Variants in HSD17B14 observed in about 807,000 individuals in gnomAD.
HSD17B14 encodes hydroxysteroid 17-beta dehydrogenase 14, also known as L-fucose dehydrogenase.
In HSD17B14, 32 loss-of-function variants were observed where a neutral mutation model predicts 32.2. The ratio of observed to expected loss-of-function variants is 0.99; its 90% confidence interval spans 0.75 to 1.33. The LOEUF (loss-of-function observed/expected upper bound fraction) is 1.33. Ranked by LOEUF, HSD17B14 falls within the 40% of genes most tolerant of loss-of-function variation. The probability of loss-of-function intolerance (pLI) is 0.00; values close to 1 mark genes in which losing one functional copy is unlikely to be tolerated. For synonymous variants in HSD17B14, 140 were observed against 155.4 expected, an observed-to-expected ratio of 0.90 and a Z score of 0.74; for missense variants, 370 against 366.5, an observed-to-expected ratio of 1.01 and a Z score of -0.08.
rs1393481604 is a variant in HSD17B14 at position 48,836,331 on chromosome 19, G to A, written c.81C>T (p.Arg27=). Residue 27 remains arginine, a synonymous_variant, in exon 1 of 9, where the codon CGC becomes CGT. Coordinates refer to ENST00000263278, the MANE Select transcript of HSD17B14 (RefSeq NM_016246.3). ...CAGTCAGACCCGGCTCACCGAAGGC[G>A]CGCACGATCCCAGCTCCGATGCCGC... ...GGRGIGAGIV[R]AFVNSGARVV... is the part of the protein sequence containing the mutation. The A allele has an allele frequency of 5.6e-6, 9 of 1,612,754 alleles. No homozygotes were observed. Among genetic ancestry groups the A allele is most frequent in the Non-Finnish European group, 7.6e-6 (9 of 1,179,748 alleles).
chr19:48,822,946 C>T (rs1015118457), intron 5 of HSD17B14, among the ~76,000 whole-genome samples: 5 of 152,004 alleles, frequency 3.3e-5, no homozygotes, highest in African/African-American at 4.8e-5. Context: ...ATGGAAATAA[C>T]GATGGTGATA....
In HSD17B14 at chr19:48,836,317, G is replaced by T; in HGVS notation, c.88+7C>A. The T allele has an allele frequency of 6.2e-7, 1 of 1,608,542 alleles. No homozygotes were observed. Among genetic ancestry groups the T allele is most frequent in the Non-Finnish European group, 8.5e-7 (1 of 1,177,860 alleles). ...TCCACAGCTCCCAGCAGTCAGACCC[G>T]GCTCACCGAAGGCGCGCACGATCCC... is the stretch of plus-strand genomic sequence containing the variant. On this transcript the variant is annotated splice_region_variant and intron_variant, in intron 1 of 8. Coordinates refer to ENST00000263278, the MANE Select transcript of HSD17B14 (RefSeq NM_016246.3).
chr19:48,834,970 G>A (rs1351255524), intron 2 of HSD17B14, among the ~76,000 whole-genome samples: 10 of 23,714 alleles, frequency 4.2e-4, no homozygotes, highest in South Asian at 7.9e-3. Context: ...GAGGGGCTGG[G>A]GGCCTGGACT....
At position 48,813,655 on chromosome 19, in the gene HSD17B14, C is replaced by T. The variant is rs574122888; in HGVS notation, c.542+8G>A. On this transcript the variant is annotated splice_region_variant and intron_variant, in intron 7 of 8. Transcript: ENST00000263278. ...CAGGAGGCTCTCCGCCTGCTCAGAGCAGCTCACCAGTTGACTCGGACACCA... is the reference window on the plus strand; with the variant it reads ...CAGGAGGCTCTCCGCCTGCTCAGAGTAGCTCACCAGTTGACTCGGACACCA... 134 of 1,614,180 alleles carry T rather than the reference C, an allele frequency of 8.3e-5. 1 individual carries two copies. In the South Asian group the frequency reaches 1.4e-3, roughly 17 times the overall value.
At position 48,813,096 on chromosome 19, in the gene HSD17B14, TGG is replaced by T; in HGVS notation, c.*77_*78del. On this transcript the variant is annotated 3_prime_UTR_variant, in exon 9 of 9. Transcript: ENST00000263278. Reference sequence around the variant, plus strand: ...TAACTGGGCTTAGAGTCTAAGGGCTTGGGGGCTGCATCTGATACAGGTTGGAG... The same window carrying T: ...TAACTGGGCTTAGAGTCTAAGGGCTTGGGCTGCATCTGATACAGGTTGGAG... 1.1e-6 allele frequency: 1 copy of T among 915,744 alleles called. No homozygotes were observed. The highest frequency in any genetic ancestry group is 1.7e-6 in the Non-Finnish European group (1 of 600,254). The allele number at this position is 915,744 out of a possible 1,614,324, so 56.7% of individuals were successfully genotyped here.
At chr19:48,820,021 G>A (rs1252611263) in intron 5 of HSD17B14, among the ~76,000 whole-genome samples, 3 of 152,178 alleles carry the variant, frequency 2.0e-5, no homozygotes, top group African/African-American at 7.2e-5. Context: ...GCCAGGCATA[G>A]TGGTGTGCGT....
At chr19:48,821,013 A>ATTT (rs550582834) in intron 5 of HSD17B14, among the ~76,000 whole-genome samples, 2 of 123,830 alleles carry the variant, frequency 1.6e-5, no homozygotes, top group African/African-American at 3.1e-5. Context: ...GGATGGATAG[A>ATTT]TTTTTTTTTT....
In HSD17B14 at chr19:48,813,690, T is replaced by C. The variant is rs572019970; in HGVS notation, c.515A>G (p.Glu172Gly). 38 of 1,614,192 alleles carry C rather than the reference T, an allele frequency of 2.4e-5. No homozygotes were observed. The East Asian group carries it at 7.8e-4, about 33-fold the overall frequency. ...TAMTKALALDESPYGVRVNCI... is the reference protein window; with the variant it reads ...TAMTKALALDGSPYGVRVNCI... ...GTTGACTCGGACACCATATGGACTT[T>C]CATCCAGGGCCAAAGCTTTGGTCAT... The change falls in exon 7 of 9, where the codon GAA (glutamate) becomes GGA (glycine). Residue 172 changes from glutamate (E) to glycine (G), a missense_variant. Glu to Gly is a moderately conservative substitution (Grantham distance 98, BLOSUM62 -2). Transcript: ENST00000263278.
At position 48,813,268 on chromosome 19, in the gene HSD17B14, G is replaced by A. The variant is rs1421968599; in HGVS notation, c.720C>T (p.Gly240=). Residue 240 remains glycine, a synonymous_variant, in exon 9 of 9, where the codon GGC becomes GGT. Transcript: ENST00000263278. ...FLASEANFCT[G]IELLVTGGAE... is the part of the protein sequence containing the mutation. ...CACCCCCCGTCACGAGCAGTTCAAT[G>A]CCCGTGCAGAAGTTGGCTTCGGAGG... 6.2e-7 allele frequency: 1 copy of A among 1,607,208 alleles called. No homozygotes were observed.
At chr19:48,836,238 G>A (rs1178780269) in intron 1 of HSD17B14, 86 bp downstream of exon 1, 12 of 1,307,222 alleles carry the variant, frequency 9.2e-6, no homozygotes, top group East Asian at 2.3e-5. Flanking sequence ...CTGCAGTACT[G>A]GAGTCCCTAT....
Position 48,832,738 on chromosome 19 carries a change from G to A in HSD17B14, c.211-6C>T. On this transcript the variant is annotated splice_polypyrimidine_tract_variant and splice_region_variant and intron_variant, in intron 3 of 8. Transcript: ENST00000263278. ...ATGGTCTCAGAAACCAGGGTCTGAG[G>A]AGAAAGGAAATGTCCTTTGTTTTTT... 2.5e-6 allele frequency: 4 copies of A among 1,609,600 alleles called. No homozygotes were observed. Among genetic ancestry groups the A allele is most frequent in the South Asian group, 1.1e-5 (1 of 90,290 alleles).
Position 48,813,363 on chromosome 19 carries a change from G to T in HSD17B14, c.640-15C>A, listed in dbSNP as rs749277970. 1.9e-6 allele frequency: 3 copies of T among 1,563,258 alleles called. No homozygotes were observed. Among genetic ancestry groups the T allele is most frequent in the Admixed American group, 1.9e-5 (1 of 52,040 alleles). ...CGGCCCAGTGGCTGGGGAGAAAAGAGGGGGGAAGGAGGTCAAGAGGAGCCC... is the reference window on the plus strand; with the variant it reads ...CGGCCCAGTGGCTGGGGAGAAAAGATGGGGGAAGGAGGTCAAGAGGAGCCC... On this transcript the variant is annotated splice_polypyrimidine_tract_variant and intron_variant, in intron 8 of 8. Transcript: ENST00000263278.
At chr19:48,827,377 C>T (rs2035267889) in intron 5 of HSD17B14, among the ~76,000 whole-genome samples, 1 of 151,936 alleles carries the variant, frequency 6.6e-6, no homozygotes, top group South Asian at 2.1e-4. Flanking sequence ...GTGTTCATAG[C>T]TGTATGCGCA....
intron 5 of HSD17B14, among the ~76,000 whole-genome samples, chr19:48,826,355 G>A (rs632955): frequency 0.07 from 10,542 of 149,694 alleles, 1,067 homozygotes; most frequent in African/African-American, 0.22. Flanking sequence ...TCAGCTGGGC[G>A]TAGTGGTGGG....
At chr19:48,814,120 A>G (rs1032190411) in intron 6 of HSD17B14, among the ~76,000 whole-genome samples, 4 of 151,746 alleles carry the variant, frequency 2.6e-5, no homozygotes, top group Non-Finnish European at 5.9e-5. Flanking sequence ...GCTTGAACCC[A>G]TGAGGCAGGG....
chr19:48,820,734 G>A (rs2035132553), intron 5 of HSD17B14, among the ~76,000 whole-genome samples: 2 of 151,680 alleles, frequency 1.3e-5, no homozygotes, highest in Middle Eastern at 3.4e-3. Flanking sequence ...CGGGCGCAGT[G>A]GCTCACATCT....
intron 5 of HSD17B14, among the ~76,000 whole-genome samples, chr19:48,821,296 A>C (rs1210080912): frequency 1.3e-5 from 2 of 152,216 alleles, no homozygotes; most frequent in Non-Finnish European, 2.9e-5. Context: ...TACAGGCATG[A>C]GCCACCGCGC....
chr19:48,823,702 T>C (rs894272389), intron 5 of HSD17B14, among the ~76,000 whole-genome samples: 4 of 150,704 alleles, frequency 2.7e-5, no homozygotes, highest in African/African-American at 9.7e-5. Flanking sequence ...AGTGGTGCAA[T>C]TTCAGCCCAC....
chr19:48,822,796 CGAT>C (rs1392689552), intron 5 of HSD17B14, among the ~76,000 whole-genome samples: 3 of 142,112 alleles, frequency 2.1e-5, no homozygotes, highest in Non-Finnish European at 4.6e-5. Flanking sequence ...ATGATGGTGA[CGAT>C]GATGATGGTG....
Sources: gnomAD v4.1 joint callset for allele counts (sites outside exome capture counted in the v4.1 genomes callset) on GRCh38, gnomAD v4.1.1 for gene constraint, MANE v1.5 for transcripts, NCBI Gene and HGNC (gene_info 2026-07-23, HGNC 2026-07-21) for gene names.